Variants in COPS5 observed in about 807,000 individuals in gnomAD.
The protein encoded by COPS5 is COP9 signalosome subunit 5.
COPS5 carries 8 observed loss-of-function variants against 44.4 expected under a neutral mutation model. That is an observed-to-expected ratio of 0.18 (90% CI 0.11 to 0.32). The LOEUF is 0.32. Ranked by LOEUF, COPS5 falls within the 10% of genes least tolerant of loss-of-function variation. The probability of loss-of-function intolerance (pLI) is 1.00; values close to 1 mark genes in which losing one functional copy is unlikely to be tolerated. For synonymous variants in COPS5, 122 were observed against 142.8 expected, an observed-to-expected ratio of 0.85 and a Z score of 1.04; for missense variants, 159 against 406.4, an observed-to-expected ratio of 0.39 and a Z score of 5.23.
In COPS5 at chr8:67,058,292, C is replaced by G. The variant is rs887022264; in HGVS notation, c.379-81G>C. ...TACCAGTACAATAAGGGTAACCAGTCTCCTTCCCATCTCCTTCTCCTCAAT... is the reference window on the plus strand; with the variant it reads ...TACCAGTACAATAAGGGTAACCAGTGTCCTTCCCATCTCCTTCTCCTCAAT... On this transcript the variant is annotated intron_variant, in intron 2 of 7. Coordinates refer to ENST00000357849, the MANE Select transcript of COPS5 (RefSeq NM_006837.3). 9.4e-6 allele frequency: 13 copies of G among 1,389,746 alleles called. No individual in the cohort carries two copies. The Admixed American group carries it at 2.7e-4, about 28-fold the overall frequency. The allele number at this position is 1,389,746 out of a possible 1,614,324, so 86.1% of individuals were successfully genotyped here.
At position 67,053,583 on chromosome 8, in the gene COPS5, C is replaced by T. The variant is rs187418530; in HGVS notation, c.660-2242G>A. On this transcript the variant is annotated intron_variant, in intron 5 of 7. Transcript: ENST00000357849. Reference sequence around the variant, plus strand: ...GGGTGTGGTGGTGTGTGCTTGTAATCCCAGCTACTCGGGAGGCTGAGGCAG... The same window carrying T: ...GGGTGTGGTGGTGTGTGCTTGTAATTCCAGCTACTCGGGAGGCTGAGGCAG... Among the ~76,000 whole-genome samples the T allele has an allele frequency of 5.3e-3, 811 of 151,674 alleles. 3 individuals carry two copies. The highest frequency in any genetic ancestry group is 8.9e-3 in the Non-Finnish European group (606 of 67,912).
At chr8:67,056,449 C>T in intron 5 of COPS5, 70 bp downstream of exon 5, 1 of 510,814 alleles carries the variant, frequency 2.0e-6, no homozygotes, top group Non-Finnish European at 3.6e-6. Flanking sequence ...CTCACTGTGG[C>T]TTCCCAAAGT....
chr8:67,053,385 T>G (rs984684177), intron 5 of COPS5, among the ~76,000 whole-genome samples: 8 of 149,898 alleles, frequency 5.3e-5, no homozygotes, highest in Admixed American at 5.3e-4. Context: ...AAGTTTAGCG[T>G]GAGGAAATAA....
chr8:67,046,100 G>T, intron 6 of COPS5, 140 bp from the exon 7 acceptor site: 1 of 825,522 alleles, frequency 1.2e-6, no homozygotes, highest in Non-Finnish European at 1.8e-6. Context: ...TGAATAGTCA[G>T]TGAGGAGAGA....
rs374028022 is a variant in COPS5, at chr8:67,059,480, T to C, written c.144-35A>G. ...AAAATCACAATGTAATTAAATTCCT[T>C]ATATAAAGTAAAATTTCAGAAAAGT... On this transcript the variant is annotated intron_variant, in intron 1 of 7. Coordinates refer to ENST00000357849, the MANE Select transcript of COPS5 (RefSeq NM_006837.3). 53 of 1,488,848 alleles carry C rather than the reference T, an allele frequency of 3.6e-5. No homozygotes were observed. The African/African-American group carries it at 5.6e-4, about 16-fold the overall frequency. 92.2% of individuals were successfully genotyped at this position (1,488,848 alleles called of 1,614,324 possible).
At chr8:67,043,792 GC>G (rs1816666474) in intron 7 of COPS5, 2 of 152,056 alleles carry the variant, frequency 1.3e-5, no homozygotes, top group African/African-American at 4.8e-5. Flanking sequence ...AAAGTATAAG[GC>G]AAAAGAAATG....
chr8:67,046,845 A>AAC (rs1554544763), intron 6 of COPS5, among the ~76,000 whole-genome samples: 15 of 150,386 alleles, frequency 1.0e-4, no homozygotes, highest in African/African-American at 3.4e-4. Flanking sequence ...AAAAAAAAAA[A>AAC]AAACAAACAC....
intron 5 of COPS5, 64 bp from the exon 6 acceptor site, chr8:67,051,405 T>G: frequency 1.2e-6 from 1 of 849,174 alleles, no homozygotes; most frequent in East Asian, 2.5e-5. Flanking sequence ...CACATAAAAC[T>G]TATGGCCAGA....
At chr8:67,055,141 G>A (rs1048328636) in intron 5 of COPS5, among the ~76,000 whole-genome samples, 1 of 152,192 alleles carries the variant, frequency 6.6e-6, no homozygotes, top group Non-Finnish European at 1.5e-5. Context: ...GAGCCTGCTG[G>A]CACATTTTAC....
At chr8:67,053,868 T>C (rs1041267585) in intron 5 of COPS5, among the ~76,000 whole-genome samples, 21 of 150,596 alleles carry the variant, frequency 1.4e-4, no homozygotes, top group African/African-American at 5.1e-4. Flanking sequence ...TAGTCGAGCA[T>C]GATGGTGGGC....
In COPS5 at chr8:67,043,220, T is replaced by A; in HGVS notation, c.*13A>T. ...CATACTGTCTTTCAGGTAAAGTACTTCTCAGAGACTGTTTAAGAGATGTTA... is the reference window on the plus strand; with the variant it reads ...CATACTGTCTTTCAGGTAAAGTACTACTCAGAGACTGTTTAAGAGATGTTA... On this transcript the variant is annotated 3_prime_UTR_variant, in exon 8 of 8. Transcript: ENST00000357849. 1 of 1,437,486 alleles carries A rather than the reference T, an allele frequency of 7.0e-7. No homozygotes were observed. Among genetic ancestry groups the A allele is most frequent in the Non-Finnish European group, 9.7e-7 (1 of 1,028,116 alleles). The allele number at this position is 1,437,486 out of a possible 1,614,324, so 89.0% of individuals were successfully genotyped here.
intron 7 of COPS5, 21 bp from the exon 8 acceptor site, chr8:67,043,338 C>A: frequency 1.4e-6 from 2 of 1,421,854 alleles, no homozygotes; most frequent in South Asian, 1.2e-5. Context: ...AAACACACAT[C>A]ACATGATGTC....
intron 7 of COPS5, chr8:67,044,049 T>C (rs928924033): frequency 5.3e-5 from 8 of 151,764 alleles, no homozygotes; most frequent in African/African-American, 1.9e-4. Flanking sequence ...CAACGAAAAA[T>C]ACTTTTTTTT....
Position 67,062,080 on chromosome 8 carries a change from T to G in COPS5, c.-84A>C. ...GGTTTCCGGGTGTGGGCCTTGACCC[T>G]CCGCACCACGGGAACAAACTCTTAC... On this transcript the variant is annotated 5_prime_UTR_variant, in exon 1 of 8. Coordinates refer to ENST00000357849, the MANE Select transcript of COPS5 (RefSeq NM_006837.3). 1.2e-6 allele frequency: 2 copies of G among 1,600,242 alleles called. No individual in the cohort carries two copies. Among genetic ancestry groups the G allele is most frequent in the Non-Finnish European group, 1.7e-6 (2 of 1,175,034 alleles).
At chr8:67,047,300 A>G (rs1419841567) in intron 6 of COPS5, among the ~76,000 whole-genome samples, 2 of 152,180 alleles carry the variant, frequency 1.3e-5, no homozygotes, top group Non-Finnish European at 2.9e-5. Flanking sequence ...TCTTCCAATG[A>G]TTTTTACAAA....
At chr8:67,049,485 A>AAAAAT (rs1563444647) in intron 6 of COPS5, among the ~76,000 whole-genome samples, 1 of 152,052 alleles carries the variant, frequency 6.6e-6, no homozygotes, top group African/African-American at 2.4e-5. Context: ...GAAAAAAAAA[A>AAAAAT]AATCCTTGGC....
Position 67,051,309 on chromosome 8 carries a change from G to C in COPS5, c.692C>G (p.Ser231Cys). The stretch of plus-strand genomic sequence containing the variant: ...CTCAAGCAATTTGCGATCCAAAGAG[G>C]ATTTGAAATATGAGACTTCTAAGGC... ...YYALEVSYFKSSLDRKLLELL... is the reference protein window; with the variant it reads ...YYALEVSYFKCSLDRKLLELL... Residue 231 changes from serine to cysteine, a missense_variant, in exon 6 of 8, where the codon TCC becomes TGC. Physicochemically the swap from Ser to Cys is moderately radical, Grantham distance 112. Transcript: ENST00000357849. 2.5e-6 allele frequency: 4 copies of C among 1,609,970 alleles called. No individual in the cohort carries two copies. Among genetic ancestry groups the C allele is most frequent in the Non-Finnish European group, 3.4e-6 (4 of 1,177,780 alleles).
At chr8:67,061,266 C>A in intron 1 of COPS5, 2 of 352,252 alleles carry the variant, frequency 5.7e-6, no homozygotes, top group Non-Finnish European at 1.1e-5. Flanking sequence ...GGTAGTAGAG[C>A]CTCCGTGTGC....
intron 7 of COPS5, chr8:67,044,817 C>G (rs1214116076): frequency 2.0e-5 from 3 of 151,452 alleles, no homozygotes; most frequent in Admixed American, 2.0e-4. Flanking sequence ...CCAGGCTGGT[C>G]TTGAACTCCT....
Sources: allele counts gnomAD v4.1 joint callset (sites outside exome capture counted in the v4.1 genomes callset), GRCh38; gene constraint gnomAD v4.1.1; transcripts MANE v1.5; gene names NCBI Gene and HGNC (gene_info 2026-07-23, HGNC 2026-07-21).